ASCC3: variants seen among roughly 807,000 people sequenced by gnomAD.
ASCC3 encodes the protein ASC-1 complex subunit P200.
A neutral mutation model predicts 256.3 loss-of-function variants in ASCC3; 158 were observed. The observed-to-expected ratio is 0.62, with a 90% CI of 0.54 to 0.70. ASCC3 has a LOEUF of 0.70. Among genes scored for constraint, ASCC3 ranks in the 30% least tolerant of loss-of-function variants. The probability of loss-of-function intolerance (pLI) is 0.00; values close to 1 mark genes in which losing one functional copy is unlikely to be tolerated. For missense variants in ASCC3, 2,259 were observed against 2,626.0 expected (o/e 0.86, Z 3.05); for synonymous variants, 948 against 883.4 (o/e 1.07, Z -1.30).
chr6:100,759,267 CT>C (rs762990913), intron 10 of ASCC3, among the ~76,000 whole-genome samples: 13 of 152,110 alleles, frequency 8.5e-5, no homozygotes, highest in Non-Finnish European at 1.8e-4. Flanking sequence ...TCAATTTTGG[CT>C]TTTGTTGCAA....
chr6:100,844,286 T>C (rs1437531080), intron 4 of ASCC3, among the ~76,000 whole-genome samples: 2 of 151,340 alleles, frequency 1.3e-5, no homozygotes, highest in African/African-American at 4.9e-5. Flanking sequence ...ATAAAGAGGA[T>C]ATCACTCCTA....
chr6:100,530,598 A>C (rs375391972), intron 37 of ASCC3: 118 of 792,980 alleles, frequency 1.5e-4, no homozygotes, highest in African/African-American at 1.3e-3. Flanking sequence ...TATTGCATGG[A>C]TGTTCAGAGC....
chr6:100,526,389 G>A (rs1774578351), intron 37 of ASCC3, among the ~76,000 whole-genome samples: 1 of 152,112 alleles, frequency 6.6e-6, no homozygotes, highest in African/African-American at 2.4e-5. Context: ...AGGAGCAGGG[G>A]GTAGAAGGAT....
chr6:100,638,562 C>CT, intron 25 of ASCC3, 39 bp downstream of exon 25: 1 of 1,503,394 alleles, frequency 6.7e-7, no homozygotes, highest in Non-Finnish European at 9.2e-7. Context: ...TATGAACTGT[C>CT]TTTTCTAATT....
chr6:100,634,864 CAAAAAAAA>C (rs199632200), intron 25 of ASCC3, among the ~76,000 whole-genome samples: 50,134 of 120,242 alleles, frequency 0.42, 9,906 homozygotes, highest in Middle Eastern at 0.62. Context: ...CCTCAAAAAA[CAAAAAAAA>C]AAAAAAAAAA....
Position 100,800,461 on chromosome 6 carries a change from A to C in ASCC3, c.966T>G (p.Tyr322Ter). 1 of 1,612,262 alleles carries C rather than the reference A, an allele frequency of 6.2e-7. No homozygotes were observed. Among genetic ancestry groups the C allele is most frequent in the Non-Finnish European group, 8.5e-7 (1 of 1,179,104 alleles). Residue 322 changes from tyrosine to a stop codon, truncating the protein, a stop_gained, in exon 6 of 42, where the codon TAT becomes TAG. Transcript: ENST00000369162. LOFTEE classifies it high-confidence loss of function. Reference protein sequence around the residue: ...KILGENAKPNYGCQVTIQSEQ... With the variant: ...KILGENAKPN ...CAGACTGAATAGTGACTTGACAACC[A>C]TAATTGGGTTTAGCATTTTCTCCTA... is the stretch of plus-strand genomic sequence containing the variant.
At chr6:100,850,797 T>A (rs970129045) in intron 3 of ASCC3, among the ~76,000 whole-genome samples, 1 of 152,158 alleles carries the variant, frequency 6.6e-6, no homozygotes, top group Non-Finnish European at 1.5e-5. Context: ...ATTAATTCAA[T>A]AGCATTTATA....
chr6:100,740,219 A>C (rs946359880), intron 10 of ASCC3, among the ~76,000 whole-genome samples: 2 of 152,148 alleles, frequency 1.3e-5, no homozygotes, highest in Non-Finnish European at 2.9e-5. Context: ...CAAGTTGTTT[A>C]ATTTCCATGT....
intron 36 of ASCC3, among the ~76,000 whole-genome samples, chr6:100,584,535 T>C (rs1771532481): frequency 6.6e-6 from 1 of 152,196 alleles, no homozygotes; most frequent in South Asian, 2.1e-4. Flanking sequence ...CTTGACTCTA[T>C]CCAATTTGCC....
intron 24 of ASCC3, among the ~76,000 whole-genome samples, chr6:100,642,221 A>T (rs1020827633): frequency 6.6e-6 from 1 of 151,974 alleles, no homozygotes; most frequent in Admixed American, 6.6e-5. Flanking sequence ...AACTCACTTG[A>T]GGTATGTGGA....
intron 2 of ASCC3, 38 bp from the exon 3 acceptor site, chr6:100,864,252 A>G: frequency 6.5e-7 from 1 of 1,527,822 alleles, no homozygotes; most frequent in Non-Finnish European, 9.0e-7. Context: ...GTACTGCTTA[A>G]AGTTCTTCTC....
At chr6:100,643,254 T>G (rs1252402808) in intron 23 of ASCC3, among the ~76,000 whole-genome samples, 1 of 152,164 alleles carries the variant, frequency 6.6e-6, no homozygotes, top group Non-Finnish European at 1.5e-5. Context: ...TTGCTTTATC[T>G]TTGATAAAAA....
intron 8 of ASCC3, among the ~76,000 whole-genome samples, chr6:100,771,012 C>G (rs535993592): frequency 1.3e-4 from 20 of 151,796 alleles, no homozygotes; most frequent in Non-Finnish European, 2.8e-4. Context: ...TGTTAGAGAG[C>G]TAAAACTACC....
At chr6:100,778,293 C>A (rs1782284505) in intron 8 of ASCC3, among the ~76,000 whole-genome samples, 1 of 152,022 alleles carries the variant, frequency 6.6e-6, no homozygotes, top group Non-Finnish European at 1.5e-5. Context: ...ATGGAAAGGT[C>A]AAGGATTTTT....
chr6:100,731,541 G>C (rs1779902672), intron 10 of ASCC3, among the ~76,000 whole-genome samples: 1 of 152,188 alleles, frequency 6.6e-6, no homozygotes, highest in Non-Finnish European at 1.5e-5. Flanking sequence ...ATGTCTCGTA[G>C]AGCAGGCGTC....
At chr6:100,551,807 T>C (rs957095221) in intron 36 of ASCC3, among the ~76,000 whole-genome samples, 1 of 152,036 alleles carries the variant, frequency 6.6e-6, no homozygotes, top group African/African-American at 2.4e-5. Context: ...ATTACTTCCT[T>C]TGACAGTTCT....
chr6:100,753,313 AAC>A (rs1491043759), intron 10 of ASCC3, among the ~76,000 whole-genome samples: 2 of 117,616 alleles, frequency 1.7e-5, no homozygotes, highest in Non-Finnish European at 3.9e-5. Context: ...AGCAAAACAA[AAC>A]AAAACATTTA....
At chr6:100,647,478 G>A in intron 20 of ASCC3, 27 bp from the exon 21 acceptor site, 1 of 1,570,322 alleles carries the variant, frequency 6.4e-7, no homozygotes, top group Middle Eastern at 1.7e-4. Context: ...GGAGATTGGT[G>A]GTTATACCCA....
chr6:100,571,833 T>A (rs1374374833), intron 36 of ASCC3, among the ~76,000 whole-genome samples: 2 of 152,174 alleles, frequency 1.3e-5, no homozygotes, highest in Non-Finnish European at 2.9e-5. Flanking sequence ...ATATGCAAAA[T>A]TTTCTTCACA....
Sources: gnomAD v4.1 joint callset for allele counts (sites outside exome capture counted in the v4.1 genomes callset) on GRCh38, gnomAD v4.1.1 for gene constraint, MANE v1.5 for transcripts, NCBI Gene and HGNC (gene_info 2026-07-23, HGNC 2026-07-21) for gene names.